Variants in OPCML observed in about 807,000 individuals in gnomAD.
OPCML encodes opioid binding protein/cell adhesion molecule like, also known as opioid-binding protein/cell adhesion molecule.
OPCML carries 13 observed loss-of-function variants against 37.8 expected under a neutral mutation model. That is an observed-to-expected ratio of 0.34 (90% CI 0.22 to 0.55). The LOEUF (loss-of-function observed/expected upper bound fraction) is 0.55. Ranked by LOEUF, OPCML falls within the 20% of genes least tolerant of loss-of-function variation. The probability of loss-of-function intolerance (pLI) is 0.91; values close to 1 mark genes in which losing one functional copy is unlikely to be tolerated. For synonymous variants in OPCML, 176 were observed against 168.8 expected, an observed-to-expected ratio of 1.04 and a Z score of -0.33; for missense variants, 341 against 435.6, an observed-to-expected ratio of 0.78 and a Z score of 1.93.
intron 2 of OPCML, among the ~76,000 whole-genome samples, chr11:132,745,044 C>G (rs992534371): frequency 6.6e-6 from 1 of 152,230 alleles, no homozygotes; most frequent in African/African-American, 2.4e-5. Context: ...GGCAGGCTCA[C>G]TGCTGCACCA....
intron 4 of OPCML, among the ~76,000 whole-genome samples, chr11:132,478,278 G>A (rs2096164443): frequency 6.6e-6 from 1 of 152,054 alleles, no homozygotes; most frequent in Admixed American, 6.6e-5. Context: ...GCTTAAAATA[G>A]GTTAAAATAC....
At chr11:132,931,574 T>C (rs564435316) in intron 2 of OPCML, among the ~76,000 whole-genome samples, 68 of 152,218 alleles carry the variant, frequency 4.5e-4, no homozygotes, top group Middle Eastern at 3.4e-3. Context: ...CACTAATCAT[T>C]AGGGAAATGC....
chr11:132,587,135 C>T (rs1403596853), intron 3 of OPCML, among the ~76,000 whole-genome samples: 1 of 152,156 alleles, frequency 6.6e-6, no homozygotes, highest in African/African-American at 2.4e-5. Context: ...CTTGATGATA[C>T]TGGAGCTAAC....
intron 2 of OPCML, among the ~76,000 whole-genome samples, chr11:132,698,863 T>A (rs1943701374): frequency 6.6e-6 from 1 of 152,110 alleles, no homozygotes; most frequent in Non-Finnish European, 1.5e-5. Flanking sequence ...ATTTTTTCAA[T>A]AAATTTTAGA....
At chr11:132,692,476 C>T (rs540875694) in intron 2 of OPCML, among the ~76,000 whole-genome samples, 5 of 152,296 alleles carry the variant, frequency 3.3e-5, no homozygotes, top group Admixed American at 6.5e-5. Flanking sequence ...GAGAACCTGA[C>T]TATATTGCTC....
intron 3 of OPCML, among the ~76,000 whole-genome samples, chr11:132,533,174 C>T (rs7125475): frequency 0.31 from 47,062 of 152,082 alleles, 9,586 homozygotes; most frequent in African/African-American, 0.56. Flanking sequence ...TCTGTGCAGA[C>T]GCTATTGAGC....
intron 1 of OPCML, among the ~76,000 whole-genome samples, chr11:133,443,294 G>T (rs1048060075): frequency 2.0e-5 from 3 of 152,208 alleles, no homozygotes; most frequent in African/African-American, 7.2e-5. Context: ...GAAAGTGCTA[G>T]GTTCCACATT....
At chr11:132,511,397 T>G (rs928478290) in intron 4 of OPCML, among the ~76,000 whole-genome samples, 2 of 152,094 alleles carry the variant, frequency 1.3e-5, no homozygotes, top group Non-Finnish European at 2.9e-5. Context: ...TCTTAACATC[T>G]TTTTGGTAAA....
intron 1 of OPCML, among the ~76,000 whole-genome samples, chr11:133,312,085 T>C (rs527346296): frequency 2.5e-4 from 38 of 152,334 alleles, no homozygotes; most frequent in African/African-American, 9.1e-4. Flanking sequence ...ACATAAAATA[T>C]ATACATAATC....
chr11:133,371,579 G>A (rs1183346536), intron 1 of OPCML, among the ~76,000 whole-genome samples: 1 of 152,128 alleles, frequency 6.6e-6, no homozygotes, highest in Non-Finnish European at 1.5e-5. Flanking sequence ...TTCATAAGTG[G>A]TAGTTTACCC....
chr11:132,757,982 A>G (rs576445822), intron 2 of OPCML, among the ~76,000 whole-genome samples: 106 of 152,230 alleles, frequency 7.0e-4, no homozygotes, highest in African/African-American at 2.4e-3. Context: ...TGTATAAGGT[A>G]TAAAGAAGGA....
chr11:132,608,089 A>T (rs2137824203), intron 3 of OPCML, among the ~76,000 whole-genome samples: 1 of 152,326 alleles, frequency 6.6e-6, no homozygotes, highest in South Asian at 2.1e-4. Context: ...AATTATATAA[A>T]TGTATTAGAT....
chr11:133,412,913 C>G (rs1232951308), intron 1 of OPCML, among the ~76,000 whole-genome samples: 2 of 152,112 alleles, frequency 1.3e-5, no homozygotes, highest in Admixed American at 1.3e-4. Flanking sequence ...AAATATCTCC[C>G]TTAGATGCTT....
At chr11:132,865,294 C>G (rs1942487203) in intron 2 of OPCML, among the ~76,000 whole-genome samples, 1 of 152,098 alleles carries the variant, frequency 6.6e-6, no homozygotes, top group South Asian at 2.1e-4. Context: ...TTTCATAAGC[C>G]TTTTTCAATT....
intron 1 of OPCML, among the ~76,000 whole-genome samples, chr11:133,389,438 AT>A (rs1945122964): frequency 1.3e-5 from 2 of 152,180 alleles, no homozygotes; most frequent in Non-Finnish European, 2.9e-5. Context: ...CGGTTAAGGC[AT>A]CCTCTTTGAG....
chr11:132,949,792 A>G (rs1945819702), intron 1 of OPCML, among the ~76,000 whole-genome samples: 1 of 152,208 alleles, frequency 6.6e-6, no homozygotes, highest in Non-Finnish European at 1.5e-5. Context: ...GCTTTATTAC[A>G]TGCTTTTCTG....
At chr11:133,252,137 C>T (rs1262349777) in intron 1 of OPCML, among the ~76,000 whole-genome samples, 1 of 152,132 alleles carries the variant, frequency 6.6e-6, no homozygotes, top group Non-Finnish European at 1.5e-5. Flanking sequence ...TTATATTAGG[C>T]ACCAGCAAGG....
chr11:132,911,958 C>T (rs750914730), intron 2 of OPCML, among the ~76,000 whole-genome samples: 5 of 152,080 alleles, frequency 3.3e-5, no homozygotes, highest in African/African-American at 7.3e-5. Context: ...TGTTCCTCTT[C>T]AGGACACAGG....
chr11:132,515,446 C>A (rs1283797065), intron 4 of OPCML, among the ~76,000 whole-genome samples: 1 of 152,116 alleles, frequency 6.6e-6, no homozygotes, highest in Admixed American at 6.6e-5. Context: ...GATCAAATTC[C>A]CTCACCTCCT....
Sources: allele counts gnomAD v4.1 joint callset (sites outside exome capture counted in the v4.1 genomes callset), GRCh38; gene constraint gnomAD v4.1.1; transcripts MANE v1.5; gene names NCBI Gene and HGNC (gene_info 2026-07-23, HGNC 2026-07-21).